The following VTA1 variants were observed in gnomAD, a reference collection of about 807,000 sequenced individuals.
The protein encoded by VTA1 is vesicle trafficking 1.
In VTA1, 24 loss-of-function variants were observed where a neutral mutation model predicts 36.9. The ratio of observed to expected loss-of-function variants is 0.65; its 90% CI spans 0.47 to 0.91. The LOEUF is 0.91. Among genes scored for constraint, VTA1 ranks in the 40% least tolerant of loss-of-function variants. VTA1 has a pLI of 0.00. For synonymous variants in VTA1, 142 were observed against 130.2 expected (o/e 1.09, Z -0.62); for missense variants, 393 against 377.2 (o/e 1.04, Z -0.35).
At position 142,221,792 on chromosome 6, in the gene VTA1, A is replaced by G. The variant is rs554651133; in HGVS notation, c.*3149A>G. ...AAATATGTATTTATATATAAATCAT[A>G]AATATATTAATAAATATATAATATA... On this transcript the variant is annotated 3_prime_UTR_variant, in exon 8 of 8. Coordinates refer to ENST00000367630, the MANE Select transcript of VTA1 (RefSeq NM_016485.5). 3.2e-4 allele frequency: 48 copies of G among 148,082 alleles called. No homozygotes were observed. Among genetic ancestry groups the G allele is most frequent in the African/African-American group, 1.1e-3 (45 of 40,862 alleles). 9.2% of individuals were successfully genotyped at this position (148,082 alleles called of 1,614,324 possible).
In VTA1 at chr6:142,221,023, G is replaced by C. The variant is rs539524963; in HGVS notation, c.*2380G>C. 1 of 152,268 alleles carries C rather than the reference G, an allele frequency of 6.6e-6. No individual in the cohort carries two copies. The highest frequency in any genetic ancestry group is 1.9e-4 in the East Asian group (1 of 5,170). The allele number at this position is 152,268 out of a possible 1,614,324, so 9.4% of individuals were successfully genotyped here. A position where few individuals can be genotyped will look rare whatever the true frequency, so the allele number is the denominator to read the frequency against. On this transcript the variant is annotated 3_prime_UTR_variant, in exon 8 of 8. Transcript: ENST00000367630. ...GTCCTACCCAATCAGAAACTCTAGG[G>C]ATGGGTCCCAGCCTTCTGAGTTTTA... is the stretch of plus-strand genomic sequence containing the variant.
intron 5 of VTA1, among the ~76,000 whole-genome samples, chr6:142,196,644 GC>G (rs1329554797): frequency 1.3e-5 from 2 of 151,644 alleles, no homozygotes; most frequent in Non-Finnish European, 2.9e-5. Context: ...TTACTTTGTG[GC>G]CTTGAACAAA....
chr6:142,204,856 C>A (rs753679487), intron 7 of VTA1, among the ~76,000 whole-genome samples: 6 of 150,816 alleles, frequency 4.0e-5, no homozygotes, highest in Non-Finnish European at 5.9e-5. Context: ...TCCCCAGTAG[C>A]TGGGACTACA....
At chr6:142,147,459 C>A in intron 1 of VTA1, 60 bp downstream of exon 1, 1 of 1,510,550 alleles carries the variant, frequency 6.6e-7, no homozygotes, top group Middle Eastern at 1.7e-4. Flanking sequence ...GGCCCACACA[C>A]CTCCCTGAGG....
chr6:142,205,506 A>C (rs930929365), intron 7 of VTA1, among the ~76,000 whole-genome samples: 1 of 152,180 alleles, frequency 6.6e-6, no homozygotes, highest in African/African-American at 2.4e-5. Flanking sequence ...CCTAGCACAT[A>C]CCTTTTTTAA....
At chr6:142,154,605 TAG>T (rs889251361) in intron 1 of VTA1, among the ~76,000 whole-genome samples, 1 of 152,122 alleles carries the variant, frequency 6.6e-6, no homozygotes, top group Non-Finnish European at 1.5e-5. Flanking sequence ...GAATAAGTGA[TAG>T]AGTTTCTCTT....
At chr6:142,201,161 C>G (rs1469637271) in intron 6 of VTA1, among the ~76,000 whole-genome samples, 1 of 151,800 alleles carries the variant, frequency 6.6e-6, no homozygotes, top group Non-Finnish European at 1.5e-5. Flanking sequence ...GTTGAAATCT[C>G]CTCCTTTTAG....
chr6:142,170,113 CAT>C (rs1774999552), intron 3 of VTA1, among the ~76,000 whole-genome samples: 1 of 152,112 alleles, frequency 6.6e-6, no homozygotes, highest in Non-Finnish European at 1.5e-5. Context: ...AAGTCAAAAA[CAT>C]ACAAAAAATC....
At chr6:142,172,652 C>G (rs1775049786) in intron 4 of VTA1, among the ~76,000 whole-genome samples, 1 of 152,090 alleles carries the variant, frequency 6.6e-6, no homozygotes, top group Non-Finnish European at 1.5e-5. Context: ...TATTAATGAT[C>G]CAAATTTTCT....
At chr6:142,157,405 A>G (rs1332488478) in intron 1 of VTA1, among the ~76,000 whole-genome samples, 4 of 152,184 alleles carry the variant, frequency 2.6e-5, no homozygotes. Context: ...CAATAAACAC[A>G]CAGAATGTTG....
At position 142,177,202 on chromosome 6, in the gene VTA1, A is replaced by G. The variant is rs545438939; in HGVS notation, c.411+6781A>G. The stretch of plus-strand genomic sequence containing the variant: ...TTCCATGTGTCTTGTACTCACTTGT[A>G]TGATAATTGCCAAGAACAATGTCTT... On this transcript the variant is annotated intron_variant, in intron 4 of 7. Transcript: ENST00000367630. Among the ~76,000 whole-genome samples, 14 of 152,340 alleles carry G rather than the reference A, an allele frequency of 9.2e-5. No homozygotes were observed. In the South Asian group the frequency reaches 2.9e-3, roughly 32 times the overall value.
chr6:142,147,435 C>T (rs373300515), intron 1 of VTA1, 36 bp downstream of exon 1: 29 of 1,595,142 alleles, frequency 1.8e-5, no homozygotes, highest in Non-Finnish European at 3.4e-6. Context: ...CTTTCTTTCC[C>T]AGTTGCATTT....
In VTA1 at chr6:142,219,599, A is replaced by G. The variant is rs984846029; in HGVS notation, c.*956A>G. 1.3e-5 allele frequency: 2 copies of G among 152,350 alleles called. No individual in the cohort carries two copies. The highest frequency in any genetic ancestry group is 1.5e-5 in the Non-Finnish European group (1 of 68,012). 9.4% of individuals were successfully genotyped at this position (152,350 alleles called of 1,614,324 possible). Reference sequence around the variant, plus strand: ...TACAAGGATTCGTTTAGCTAATTCAACTTACTACAAAGACAAATGTCTGTT... The same window carrying G: ...TACAAGGATTCGTTTAGCTAATTCAGCTTACTACAAAGACAAATGTCTGTT... On this transcript the variant is annotated 3_prime_UTR_variant, in exon 8 of 8. Transcript: ENST00000367630.
intron 1 of VTA1, among the ~76,000 whole-genome samples, chr6:142,154,190 G>C (rs1046092579): frequency 2.0e-5 from 3 of 151,964 alleles, no homozygotes; most frequent in Admixed American, 6.6e-5. Flanking sequence ...CTGGTAGCCA[G>C]TAACTTGTTG....
At chr6:142,215,095 T>C (rs1295643445) in intron 7 of VTA1, among the ~76,000 whole-genome samples, 1 of 152,214 alleles carries the variant, frequency 6.6e-6, no homozygotes, top group Non-Finnish European at 1.5e-5. Flanking sequence ...TTTTTACTTT[T>C]ACATCTCTGA....
chr6:142,163,795 C>A (rs1774859741), intron 1 of VTA1, among the ~76,000 whole-genome samples: 1 of 151,886 alleles, frequency 6.6e-6, no homozygotes, highest in African/African-American at 2.4e-5. Context: ...TTTTGATCAC[C>A]TATCCATATG....
chr6:142,161,971 A>G (rs903491328), intron 1 of VTA1, among the ~76,000 whole-genome samples: 2 of 152,202 alleles, frequency 1.3e-5, no homozygotes, highest in African/African-American at 4.8e-5. Context: ...TAAATCTTTT[A>G]ATGCTGAGAG....
chr6:142,194,643 T>A (rs1234803010), intron 5 of VTA1, among the ~76,000 whole-genome samples: 1 of 152,176 alleles, frequency 6.6e-6, no homozygotes, highest in Non-Finnish European at 1.5e-5. Context: ...TTCTGATAAT[T>A]ACTTTGTAAA....
At chr6:142,167,203 T>C (rs1198398023) in intron 2 of VTA1, among the ~76,000 whole-genome samples, 2 of 152,134 alleles carry the variant, frequency 1.3e-5, no homozygotes, top group Non-Finnish European at 2.9e-5. Flanking sequence ...ACTGTAGAGG[T>C]ACTTTTGGAG....
Sources: gnomAD v4.1 joint callset for allele counts (sites outside exome capture counted in the v4.1 genomes callset) on GRCh38, gnomAD v4.1.1 for gene constraint, MANE v1.5 for transcripts, NCBI Gene and HGNC (gene_info 2026-07-23, HGNC 2026-07-21) for gene names.